ARB2A: variants seen among roughly 807,000 people sequenced by gnomAD.
ARB2A encodes the protein ARB2 cotranscriptional regulator A, also known as cotranscriptional regulator ARB2A.
chr5:93,653,553 A>AAAAAAAAAAAAC, the ARB2A span, among the ~76,000 whole-genome samples: 1 of 130,070 alleles, frequency 7.7e-6, no homozygotes, highest in African/African-American at 3.0e-5. Flanking sequence ...AAAAAAAAAA[A>AAAAAAAAAAAAC]AAAGACATTA....
At chr5:93,878,757 T>C in the ARB2A span, among the ~76,000 whole-genome samples, 3 of 152,246 alleles carry the variant, frequency 2.0e-5, no homozygotes, top group Non-Finnish European at 2.9e-5. Flanking sequence ...TTGTTTACTA[T>C]ATTGTATCAT....
the ARB2A span, among the ~76,000 whole-genome samples, chr5:93,697,149 T>C: frequency 1.3e-5 from 2 of 151,944 alleles, no homozygotes; most frequent in African/African-American, 2.4e-5. Flanking sequence ...ATCTCCCTAT[T>C]AGCAAGTTTA....
At chr5:93,812,482 G>A in the ARB2A span, among the ~76,000 whole-genome samples, 2 of 152,276 alleles carry the variant, frequency 1.3e-5, no homozygotes, top group African/African-American at 4.8e-5. Context: ...ATCCCAACTG[G>A]AAAGGAGTCA....
the ARB2A span, among the ~76,000 whole-genome samples, chr5:94,039,402 C>T: frequency 6.6e-6 from 1 of 152,150 alleles, no homozygotes; most frequent in Non-Finnish European, 1.5e-5. Flanking sequence ...AACCAAGATG[C>T]CCATGAGAGT....
At chr5:93,713,454 A>G in the ARB2A span, among the ~76,000 whole-genome samples, 5 of 152,368 alleles carry the variant, frequency 3.3e-5, no homozygotes, top group South Asian at 1.0e-3. Flanking sequence ...TACATAAAAA[A>G]AAGTTCAATA....
the ARB2A span, among the ~76,000 whole-genome samples, chr5:94,005,771 C>T: frequency 1.3e-5 from 2 of 152,206 alleles, no homozygotes; most frequent in South Asian, 2.1e-4. Flanking sequence ...GTTGAGTAAG[C>T]ACATGAAAAG....
At chr5:93,826,409 A>C in the ARB2A span, among the ~76,000 whole-genome samples, 2 of 152,086 alleles carry the variant, frequency 1.3e-5, no homozygotes, top group African/African-American at 4.8e-5. Flanking sequence ...CTCTATGTCT[A>C]TCTGTCCTAA....
the ARB2A span, among the ~76,000 whole-genome samples, chr5:93,921,225 C>A: frequency 6.6e-6 from 1 of 150,954 alleles, no homozygotes. Context: ...GGTGCAAAGC[C>A]CTTCACTGTT....
the ARB2A span, among the ~76,000 whole-genome samples, chr5:93,826,565 G>A: frequency 6.6e-6 from 1 of 152,016 alleles, no homozygotes; most frequent in Admixed American, 6.6e-5. Context: ...TGAAATCTGA[G>A]AGTCAACTTT....
At chr5:93,986,237 G>T in the ARB2A span, among the ~76,000 whole-genome samples, 1 of 150,492 alleles carries the variant, frequency 6.6e-6, no homozygotes, top group East Asian at 2.0e-4. Context: ...TGCCCGGTCT[G>T]AGAAGTGAGG....
At chr5:93,991,858 A>G in the ARB2A span, among the ~76,000 whole-genome samples, 1 of 152,016 alleles carries the variant, frequency 6.6e-6, no homozygotes, top group Non-Finnish European at 1.5e-5. Flanking sequence ...ATTTGAAGAT[A>G]TAAGGGTAGA....
At chr5:93,818,426 TTAA>T in the ARB2A span, among the ~76,000 whole-genome samples, 1 of 152,202 alleles carries the variant, frequency 6.6e-6, no homozygotes, top group Non-Finnish European at 1.5e-5. Context: ...TCAATAAATC[TTAA>T]TAAATCTCCA....
the ARB2A span, among the ~76,000 whole-genome samples, chr5:93,641,853 A>G: frequency 1.3e-5 from 2 of 152,240 alleles, no homozygotes; most frequent in African/African-American, 4.8e-5. Context: ...GATCACATAT[A>G]TACATTATAG....
the ARB2A span, among the ~76,000 whole-genome samples, chr5:93,799,824 G>A: frequency 2.0e-5 from 3 of 151,902 alleles, no homozygotes; most frequent in East Asian, 1.9e-4. Flanking sequence ...GATCTGAGAT[G>A]AACCTAAATT....
the ARB2A span, among the ~76,000 whole-genome samples, chr5:94,068,540 C>T: frequency 6.6e-6 from 1 of 152,192 alleles, no homozygotes. Context: ...TTGCCACTGC[C>T]AGTTCGAATG....
chr5:93,809,231 T>C, the ARB2A span, among the ~76,000 whole-genome samples: 3 of 151,990 alleles, frequency 2.0e-5, no homozygotes, highest in Admixed American at 2.0e-4. Flanking sequence ...AACACTGATT[T>C]ATTTAACTAG....
the ARB2A span, among the ~76,000 whole-genome samples, chr5:93,870,597 T>C: frequency 6.6e-6 from 1 of 152,244 alleles, no homozygotes; most frequent in African/African-American, 2.4e-5. Context: ...TAAGACATTG[T>C]CTATTTCACT....
chr5:93,797,840 C>T, the ARB2A span, among the ~76,000 whole-genome samples: 1 of 152,076 alleles, frequency 6.6e-6, no homozygotes, highest in South Asian at 2.1e-4. Flanking sequence ...AAAAATTTTA[C>T]TGAAGACGTA....
At chr5:94,035,196 CATACATATACATATACATATACAT>C in the ARB2A span, among the ~76,000 whole-genome samples, 2 of 129,630 alleles carry the variant, frequency 1.5e-5, no homozygotes, top group Non-Finnish European at 3.2e-5. Context: ...GGATCTTATA[CATACATATACATATACATATACAT>C]ATACATATAC....
Sources: gnomAD v4.1 joint callset for allele counts (sites outside exome capture counted in the v4.1 genomes callset) on GRCh38, gnomAD v4.1.1 for gene constraint, MANE v1.5 for transcripts, NCBI Gene and HGNC (gene_info 2026-07-23, HGNC 2026-07-21) for gene names.